TMEM117: variants seen among roughly 807,000 people sequenced by gnomAD.
TMEM117 encodes transmembrane protein 117.
TMEM117 carries 27 observed loss-of-function variants against 52.4 expected under a neutral mutation model. The ratio of observed to expected loss-of-function variants is 0.51; its 90% CI spans 0.38 to 0.71. The LOEUF is 0.71. Ranked by LOEUF, TMEM117 falls within the 30% of genes least tolerant of loss-of-function variation. The pLI, the probability that TMEM117 is intolerant of heterozygous loss-of-function variation, is 0.00. For missense variants in TMEM117, 556 were observed against 630.5 expected (o/e 0.88, Z 1.26); for synonymous variants, 215 against 206.3 (o/e 1.04, Z -0.36).
chr12:44,180,907 A>G (rs1174211463), intron 4 of TMEM117, among the ~76,000 whole-genome samples: 2 of 151,878 alleles, frequency 1.3e-5, no homozygotes, highest in Non-Finnish European at 2.9e-5. Context: ...TTCCAGTTCT[A>G]GATCCCTGAG....
intron 3 of TMEM117, among the ~76,000 whole-genome samples, chr12:43,997,973 C>T (rs2137769157): frequency 6.6e-6 from 1 of 152,300 alleles, no homozygotes; most frequent in African/African-American, 2.4e-5. Flanking sequence ...ATGCCAGATT[C>T]TGTGATAGAG....
intron 5 of TMEM117, among the ~76,000 whole-genome samples, chr12:44,247,004 G>T (rs942136228): frequency 3.3e-5 from 5 of 152,154 alleles, no homozygotes; most frequent in African/African-American, 1.2e-4. Context: ...GCAGAGAGGG[G>T]AGAATGGGAG....
At chr12:44,327,057 AT>A (rs1209049696) in intron 6 of TMEM117, among the ~76,000 whole-genome samples, 5 of 152,178 alleles carry the variant, frequency 3.3e-5, no homozygotes, top group African/African-American at 1.2e-4. Flanking sequence ...ATTTGTATAT[AT>A]TTACCTATAT....
At chr12:43,888,312 A>G (rs1230110366) in intron 2 of TMEM117, among the ~76,000 whole-genome samples, 1 of 152,176 alleles carries the variant, frequency 6.6e-6, no homozygotes, top group African/African-American at 2.4e-5. Flanking sequence ...ATGTGATTCT[A>G]TGTAGTATGA....
chr12:43,828,843 G>T, the TMEM117 span, among the ~76,000 whole-genome samples: 1 of 151,914 alleles, frequency 6.6e-6, no homozygotes, highest in East Asian at 1.9e-4. Flanking sequence ...TTTTTTCTTC[G>T]TCTTTCCCTC....
At chr12:44,051,364 A>G (rs1265299920) in intron 3 of TMEM117, among the ~76,000 whole-genome samples, 1 of 152,248 alleles carries the variant, frequency 6.6e-6, no homozygotes, top group African/African-American at 2.4e-5. Context: ...CTACTGAACA[A>G]CAGTAGCAAA....
Position 44,153,292 on chromosome 12 carries a change from G to T in TMEM117, c.510+9668G>T, listed in dbSNP as rs1948781392. Reference sequence around the variant, plus strand: ...CTTGGAATATAACCCAGGCAATCTGGTTCCAAAGTTTTTATTGTTTTCACA... The same window carrying T: ...CTTGGAATATAACCCAGGCAATCTGTTTCCAAAGTTTTTATTGTTTTCACA... On this transcript the variant is annotated intron_variant, in intron 4 of 7. Coordinates refer to ENST00000266534, the MANE Select transcript of TMEM117 (RefSeq NM_032256.3). Among the ~76,000 whole-genome samples the T allele has an allele frequency of 2.0e-5, 3 of 152,078 alleles. No individual in the cohort carries two copies. In the South Asian group the frequency reaches 6.2e-4, roughly 32 times the overall value.
intron 1 of TMEM117, among the ~76,000 whole-genome samples, chr12:43,841,757 G>C (rs1265915106): frequency 1.3e-5 from 2 of 152,198 alleles, no homozygotes; most frequent in Non-Finnish European, 2.9e-5. Context: ...TCAGATCACA[G>C]CTCTTCTGAG....
At chr12:43,970,865 G>T (rs757222024) in intron 3 of TMEM117, among the ~76,000 whole-genome samples, 2 of 151,770 alleles carry the variant, frequency 1.3e-5, no homozygotes, top group African/African-American at 2.4e-5. Flanking sequence ...CTGTCTTTAT[G>T]CAGGAGATTC....
At chr12:44,097,539 A>G (rs561266489) in intron 3 of TMEM117, among the ~76,000 whole-genome samples, 2 of 152,222 alleles carry the variant, frequency 1.3e-5, no homozygotes, top group Non-Finnish European at 2.9e-5. Flanking sequence ...GCAGCCATAA[A>G]AAATGATGAG....
intron 2 of TMEM117, among the ~76,000 whole-genome samples, chr12:43,869,762 CT>C (rs1463588560): frequency 2.0e-5 from 3 of 152,114 alleles, no homozygotes; most frequent in Non-Finnish European, 2.9e-5. Context: ...TTATTTCCAA[CT>C]TTTTATTTTG....
chr12:44,083,735 G>A (rs1947522829), intron 3 of TMEM117: 2 of 151,972 alleles, frequency 1.3e-5, no homozygotes, highest in African/African-American at 2.4e-5. Context: ...TCTCTTGGGT[G>A]TAAAATGATC....
At chr12:44,248,020 C>T (rs1383920133) in intron 5 of TMEM117, among the ~76,000 whole-genome samples, 1 of 152,170 alleles carries the variant, frequency 6.6e-6, no homozygotes, top group Non-Finnish European at 1.5e-5. Flanking sequence ...TTGGGTTATG[C>T]TAACAGCTTC....
At chr12:44,290,941 G>A (rs1040695484) in intron 5 of TMEM117, among the ~76,000 whole-genome samples, 1 of 152,096 alleles carries the variant, frequency 6.6e-6, no homozygotes, top group African/African-American at 2.4e-5. Flanking sequence ...GCCTGGCCCT[G>A]CTGTACTTTC....
intron 2 of TMEM117, among the ~76,000 whole-genome samples, chr12:43,881,503 T>A (rs1001123957): frequency 6.6e-6 from 1 of 152,192 alleles, no homozygotes; most frequent in Admixed American, 6.5e-5. Context: ...CTTGAAAGAC[T>A]TTAAGTCCGG....
At chr12:43,929,466 T>C (rs1368374936) in intron 2 of TMEM117, among the ~76,000 whole-genome samples, 1 of 152,148 alleles carries the variant, frequency 6.6e-6, no homozygotes, top group Non-Finnish European at 1.5e-5. Context: ...TATTGACCCC[T>C]TCTGCCTTGT....
chr12:44,198,318 G>C (rs746983748), intron 4 of TMEM117, among the ~76,000 whole-genome samples: 1 of 152,142 alleles, frequency 6.6e-6, no homozygotes, highest in Non-Finnish European at 1.5e-5. Flanking sequence ...TTTAGATTTT[G>C]TTTCCATCTC....
chr12:44,030,494 TAACAGTGTAATGTGTATTTGAG>T (rs1268236132), intron 3 of TMEM117, among the ~76,000 whole-genome samples: 14 of 152,214 alleles, frequency 9.2e-5, no homozygotes, highest in African/African-American at 3.4e-4. Context: ...CACTAAGAGT[TAACAGTGTAATGTGTATTTGAG>T]ACTCCTAAAG....
intron 5 of TMEM117, among the ~76,000 whole-genome samples, chr12:44,252,387 C>CCTG (rs1371017280): frequency 6.6e-6 from 1 of 152,036 alleles, no homozygotes; most frequent in East Asian, 1.9e-4. Flanking sequence ...ACTTGTTATC[C>CCTG]CTGCTGCTTA....
Sources: gnomAD v4.1 joint callset for allele counts (sites outside exome capture counted in the v4.1 genomes callset) on GRCh38, gnomAD v4.1.1 for gene constraint, MANE v1.5 for transcripts, NCBI Gene and HGNC (gene_info 2026-07-23, HGNC 2026-07-21) for gene names.